The following CDKL5 variants were observed in gnomAD, a reference collection of about 807,000 sequenced individuals.
The protein encoded by CDKL5 is cyclin dependent kinase like 5.
Under a neutral mutation model 61.7 loss-of-function variants are expected in CDKL5, and 8 were observed. The observed-to-expected ratio is 0.13, with a 90% confidence interval of 0.08 to 0.23. CDKL5 has a LOEUF of 0.23. CDKL5 is among the 10% of genes least tolerant of loss of function. The probability of loss-of-function intolerance (pLI) is 1.00; values close to 1 mark genes in which losing one functional copy is unlikely to be tolerated. For missense variants in CDKL5, 440 were observed against 734.5 expected, an observed-to-expected ratio of 0.60 and a Z score of 4.63; for synonymous variants, 275 against 272.3, an observed-to-expected ratio of 1.01 and a Z score of -0.10.
chrX:18,649,780 T>A (rs780510842), intron 20 of CDKL5, among the ~76,000 whole-genome samples: 2 of 111,873 alleles, frequency 1.8e-5, no homozygotes, highest in South Asian at 7.4e-4. Flanking sequence ...GAGGACTGAG[T>A]GCCTGCGGAC....
chrX:18,540,967 G>T (rs188648157), intron 3 of CDKL5, among the ~76,000 whole-genome samples: 3 of 112,059 alleles, frequency 2.7e-5, no homozygotes, highest in African/African-American at 9.7e-5. Context: ...GATTACAGGC[G>T]TGAGCTACCA....
intron 1 of CDKL5, among the ~76,000 whole-genome samples, chrX:18,439,581 A>C (rs771326401): frequency 9.0e-6 from 1 of 111,204 alleles, no homozygotes; most frequent in Non-Finnish European, 1.9e-5. Context: ...GGCTCACGCT[A>C]TATCCCAGCA....
chrX:18,503,699 T>G, intron 1 of CDKL5, among the ~76,000 whole-genome samples: 1 of 112,245 alleles, frequency 8.9e-6, no homozygotes, highest in Non-Finnish European at 1.9e-5. Flanking sequence ...TCATTTATTG[T>G]TTCTTATTTT....
chrX:18,506,746 G>C (rs1252096032), intron 1 of CDKL5, among the ~76,000 whole-genome samples, 189 bp from the exon 2 acceptor site: 2 of 112,087 alleles, frequency 1.8e-5, no homozygotes, highest in Non-Finnish European at 3.8e-5. Flanking sequence ...TTCAAATACA[G>C]AGAGGTTCAT....
chrX:18,646,370 T>C (rs1025905537), intron 20 of CDKL5, among the ~76,000 whole-genome samples: 15 of 111,932 alleles, frequency 1.3e-4, no homozygotes, highest in African/African-American at 4.5e-4. Flanking sequence ...GCTAAGCTGG[T>C]CTTGAACTCC....
chrX:18,651,262 TGTGAGAGAGAGA>T (rs1176762906), intron 21 of CDKL5, among the ~76,000 whole-genome samples: 1 of 77,732 alleles, frequency 1.3e-5, no homozygotes, highest in Admixed American at 1.4e-4. Context: ...TGTGTGTGTG[TGTGAGAGAGAGA>T]GAGAGAGAGA....
intron 2 of CDKL5, among the ~76,000 whole-genome samples, chrX:18,508,503 A>C (rs1922667358): frequency 9.0e-6 from 1 of 111,468 alleles, no homozygotes; most frequent in South Asian, 3.7e-4. Flanking sequence ...TTTCAAAAGT[A>C]TTAGAATTAG....
rs528406218 is a variant in CDKL5, at chrX:18,478,601, G to C, written c.-162-28334G>C. Among the ~76,000 whole-genome samples the C allele has an allele frequency of 3.5e-3, 370 of 107,020 alleles. 2 individuals carry two copies. The Middle Eastern group carries it at 0.045, about 13-fold the overall frequency. 92.9% of individuals were successfully genotyped at this position (107,020 alleles called of 115,157 possible). On this transcript the variant is annotated intron_variant, in intron 1 of 17. Transcript: ENST00000623535. ...CCACCGTGCCTGGCCAATCTCCGTT[G>C]TTTCTAATCAGAAAGTCAGCTATTA...
downstream of CDKL5, chrX:18,644,696 C>T (rs1927712237): frequency 3.7e-6 from 4 of 1,072,549 alleles, no homozygotes; most frequent in Non-Finnish European, 5.2e-6. Context: ...CAGGTGCTGG[C>T]TCTCGAGGGG....
At position 18,650,611 on chromosome X, in the gene CDKL5, C is replaced by T. The variant is rs772246921; in HGVS notation, c.2980+19C>T. On this transcript the variant is annotated intron_variant, in intron 21 of 21. Coordinates refer to the CDKL5 transcript ENST00000379989. ...CAATCCGGTAAGCAGAGACTCTAGA[C>T]CGGTGGGGCTCAGCCTGGGCTGTAC... The T allele has an allele frequency of 1.5e-5, 18 of 1,207,219 alleles. No individual in the cohort carries two copies. In the South Asian group the frequency reaches 2.6e-4, roughly 18 times the overall value.
At chrX:18,431,423 CTTTTT>C (rs1177063856) in intron 1 of CDKL5, among the ~76,000 whole-genome samples, 10 of 95,526 alleles carry the variant, frequency 1.0e-4, no homozygotes, top group African/African-American at 2.3e-4. Context: ...GATTTCTTTT[CTTTTT>C]TTTTTTTTTT....
At chrX:18,528,000 C>T (rs1923505498) in intron 3 of CDKL5, among the ~76,000 whole-genome samples, 1 of 110,934 alleles carries the variant, frequency 9.0e-6, no homozygotes. Flanking sequence ...TGAGATTTTC[C>T]AGCTATGTTT....
intron 1 of CDKL5, among the ~76,000 whole-genome samples, chrX:18,461,189 G>A (rs1055482099): frequency 8.0e-5 from 9 of 112,103 alleles, no homozygotes; most frequent in African/African-American, 2.9e-4. Flanking sequence ...TCTTTTGGTG[G>A]GCAGTTGCTT....
At chrX:18,494,333 C>T (rs983387156) in intron 1 of CDKL5, among the ~76,000 whole-genome samples, 4 of 112,167 alleles carry the variant, frequency 3.6e-5, no homozygotes, top group Admixed American at 9.4e-5. Context: ...CTGCAACCTC[C>T]GCCTCCTGGG....
In CDKL5 at chrX:18,608,852, T is replaced by C. The variant is rs760988585; in HGVS notation, c.1986T>C (p.Ser662=). ...QLPPEMTVAR[S]SVKETSREGT... Reference sequence around the variant, plus strand: ...CTCCAGAGATGACTGTGGCAAGATCTTCGGTCAAAGAGACCTCCAGAGAAG... The same window carrying C: ...CTCCAGAGATGACTGTGGCAAGATCCTCGGTCAAAGAGACCTCCAGAGAAG... The change falls in exon 13 of 18, where the codon TCT becomes TCC. Residue 662 remains serine (S), a synonymous_variant. Transcript: ENST00000623535. 5.8e-6 allele frequency: 7 copies of C among 1,207,072 alleles called. No individual in the cohort carries two copies. Among genetic ancestry groups the C allele is most frequent in the Admixed American group, 2.2e-5 (1 of 45,623 alleles).
chrX:18,606,174 T>TCACACACACACACACACACA (rs528800542), intron 12 of CDKL5, among the ~76,000 whole-genome samples: 1 of 96,873 alleles, frequency 1.0e-5, no homozygotes, highest in African/African-American at 3.8e-5. Flanking sequence ...AGCAAGACTG[T>TCACACACACACACACACACA]CACACACACA....
Position 18,478,890 on chromosome X carries a change from AT to A in CDKL5, c.-162-28040del, listed in dbSNP as rs1308978341. On this transcript the variant is annotated intron_variant, in intron 1 of 17. Transcript: ENST00000623535. The stretch of plus-strand genomic sequence containing the variant: ...ACCACCATGCCCCGCCAATTTTTGT[AT>A]TTTTAGTAGAGACGGGGTTTCACTA... 8.3e-5 allele frequency among the ~76,000 whole-genome samples: 9 copies of A among 108,741 alleles called. No homozygotes were observed. In the East Asian group the frequency reaches 1.5e-3, roughly 18 times the overall value. 94.4% of individuals were successfully genotyped at this position (108,741 alleles called of 115,157 possible). A position where few individuals can be genotyped will look rare whatever the true frequency, so the allele number is the denominator to read the frequency against.
At chrX:18,576,103 G>A (rs1371252404) in intron 5 of CDKL5, among the ~76,000 whole-genome samples, 1 of 111,945 alleles carries the variant, frequency 8.9e-6, no homozygotes, top group Admixed American at 9.5e-5. Context: ...GCAAATGTAT[G>A]TTACAGTAAT....
chrX:18,469,504 T>C (rs1293551758), intron 1 of CDKL5, among the ~76,000 whole-genome samples: 4 of 108,108 alleles, frequency 3.7e-5, no homozygotes, highest in Admixed American at 1.0e-4. Context: ...CAAAATTAGC[T>C]GGGCGTGGTG....
Sources: gnomAD v4.1 joint callset for allele counts (sites outside exome capture counted in the v4.1 genomes callset) on GRCh38, gnomAD v4.1.1 for gene constraint, MANE v1.5 for transcripts, NCBI Gene and HGNC (gene_info 2026-07-23, HGNC 2026-07-21) for gene names.